AP2A1: variants seen among roughly 807,000 people sequenced by gnomAD.
AP2A1 encodes the protein adaptor related protein complex 2 subunit alpha 1.
A neutral mutation model predicts 107.3 loss-of-function variants in AP2A1; 21 were observed. That is an observed-to-expected ratio of 0.20 (90% CI 0.14 to 0.28). The LOEUF (loss-of-function observed/expected upper bound fraction) is 0.28. Ranked by LOEUF, AP2A1 falls within the 10% of genes least tolerant of loss-of-function variation. AP2A1 has a pLI of 1.00. For missense variants in AP2A1, 873 were observed against 1,307.7 expected (o/e 0.67, Z 5.13); for synonymous variants, 602 against 564.8 (o/e 1.07, Z -0.93).
rs938218505 is a variant in AP2A1, at chr19:49,805,653, C to T, written c.2469-8C>T. On this transcript the variant is annotated splice_polypyrimidine_tract_variant and splice_region_variant and intron_variant, in intron 19 of 22. Coordinates refer to ENST00000354293, the MANE Select transcript of AP2A1 (RefSeq NM_130787.3). ...GGGCCTAATGGAGCCTCCCTTTCAC[C>T]TCATCAGGTACGGTGGCGCCCCCCA... 25 of 1,558,674 alleles carry T rather than the reference C, an allele frequency of 1.6e-5. No individual in the cohort carries two copies. Among genetic ancestry groups the T allele is most frequent in the South Asian group, 2.4e-5 (2 of 84,558 alleles).
intron 12 of AP2A1, 146 bp from the exon 13 acceptor site, chr19:49,801,244 C>A: frequency 1.0e-6 from 1 of 980,218 alleles, no homozygotes; most frequent in Non-Finnish European, 1.5e-6. Flanking sequence ...TGACTGCGGC[C>A]CCTGTCTGGT....
At chr19:49,768,408 CCT>C (rs771540496) in intron 1 of AP2A1, among the ~76,000 whole-genome samples, 1 of 152,112 alleles carries the variant, frequency 6.6e-6, no homozygotes, top group South Asian at 2.1e-4. Context: ...AGGGACTTCA[CCT>C]CTCGGTTTCC....
chr19:49,767,005 G>T lies in AP2A1; in HGVS notation c.-129G>T. 1 of 760,030 alleles carries T rather than the reference G, an allele frequency of 1.3e-6. No homozygotes were observed. Among genetic ancestry groups the T allele is most frequent in the East Asian group, 4.5e-5 (1 of 22,028 alleles). The allele number at this position is 760,030 out of a possible 1,614,324, so 47.1% of individuals were successfully genotyped here. A position where few individuals can be genotyped will look rare whatever the true frequency, so the allele number is the denominator to read the frequency against. Reference sequence around the variant, plus strand: ...TGCCAGCCCGCCCGCCCGCCCGCCAGCCAGCCCTCCCCGCGGCCGGCTCGG... The same window carrying T: ...TGCCAGCCCGCCCGCCCGCCCGCCATCCAGCCCTCCCCGCGGCCGGCTCGG... On this transcript the variant is annotated 5_prime_UTR_variant, in exon 1 of 23. Transcript: ENST00000354293.
intron 11 of AP2A1, 106 bp downstream of exon 11, chr19:49,800,256 C>T (rs563879994): frequency 1.5e-6 from 2 of 1,350,158 alleles, no homozygotes; most frequent in Admixed American, 2.2e-5. Flanking sequence ...CCCTCCTTCT[C>T]CTGCACTGCC....
chr19:49,798,411 C>G (rs925011948), intron 7 of AP2A1, among the ~76,000 whole-genome samples: 10 of 152,218 alleles, frequency 6.6e-5, no homozygotes, highest in African/African-American at 2.4e-4. Context: ...TCACACCAGT[C>G]CTTGGGAAGG....
intron 15 of AP2A1, 118 bp from the exon 16 acceptor site, chr19:49,802,831 G>T (rs1412466153): frequency 4.0e-6 from 5 of 1,250,028 alleles, no homozygotes; most frequent in Non-Finnish European, 5.7e-6. Context: ...TCTGTGAGGG[G>T]TCTGGATATG....
chr19:49,806,091 ACT>A (rs778677272), intron 21 of AP2A1, 26 bp from the exon 22 acceptor site: 3 of 1,575,756 alleles, frequency 1.9e-6, no homozygotes, highest in Non-Finnish European at 2.6e-6. Context: ...GCTCTGGCAC[ACT>A]CTGACGGCGC....
intron 3 of AP2A1, 78 bp downstream of exon 3, chr19:49,782,167 A>C: frequency 1.3e-5 from 2 of 158,374 alleles, no homozygotes; most frequent in Non-Finnish European, 1.9e-5. Context: ...GGACTCCTGG[A>C]TCTGGGGGAG....
In AP2A1 at chr19:49,795,624, C is replaced by T. The variant is rs529185444; in HGVS notation, c.706-6C>T. 63 of 1,528,160 alleles carry T rather than the reference C, an allele frequency of 4.1e-5. No homozygotes were observed. The highest frequency in any genetic ancestry group is 5.0e-5 in the Non-Finnish European group (56 of 1,124,656). The allele number at this position is 1,528,160 out of a possible 1,614,324, so 94.7% of individuals were successfully genotyped here. On this transcript the variant is annotated splice_polypyrimidine_tract_variant and splice_region_variant and intron_variant, in intron 6 of 22. Transcript: ENST00000354293. ...CCCCAACTTATTTCTTGCTCTTCCC[C>T]GCCAGATCGTCTCCTCTGCCTCCAC... is the stretch of plus-strand genomic sequence containing the variant.
intron 1 of AP2A1, among the ~76,000 whole-genome samples, chr19:49,772,000 CAGA>C (rs2084563455): frequency 6.6e-6 from 1 of 152,116 alleles, no homozygotes; most frequent in South Asian, 2.1e-4. Context: ...GAGGTGGAGG[CAGA>C]AGGATTGCTT....
chr19:49,776,205 G>A (rs371511750), intron 1 of AP2A1, among the ~76,000 whole-genome samples: 2 of 148,470 alleles, frequency 1.3e-5, no homozygotes, highest in African/African-American at 5.0e-5. Context: ...CGCCCCCGCC[G>A]CCGCCCGCAT....
intron 1 of AP2A1, among the ~76,000 whole-genome samples, chr19:49,768,414 G>C (rs1038195184): frequency 6.6e-6 from 1 of 152,066 alleles, no homozygotes; most frequent in Non-Finnish European, 1.5e-5. Context: ...TTCACCTCTC[G>C]GTTTCCTCAT....
At chr19:49,772,167 C>A (rs993234120) in intron 1 of AP2A1, among the ~76,000 whole-genome samples, 1 of 151,886 alleles carries the variant, frequency 6.6e-6, no homozygotes, top group East Asian at 1.9e-4. Flanking sequence ...AAGCTATCCT[C>A]CCGCCTCAGC....
rs1426897454 is a variant in AP2A1, at chr19:49,785,956, T to C, written c.473+3232T>C. ...TTAGTGGGGTGCAGTGGTGCACACC[T>C]GTAGTCCCAGCTACTCAGGAGGCTG... On this transcript the variant is annotated intron_variant, in intron 4 of 22. Transcript: ENST00000354293. The surrounding 1 kb of genome is among the most constrained non-coding windows in gnomAD (Gnocchi z 4.1). Among the ~76,000 whole-genome samples, 1 of 151,258 alleles carries C rather than the reference T, an allele frequency of 6.6e-6. No homozygotes were observed. The highest frequency in any genetic ancestry group is 2.4e-5 in the African/African-American group (1 of 41,174).
chr19:49,802,491 C>T (rs775787165), intron 15 of AP2A1: 1 of 1,594,430 alleles, frequency 6.3e-7, no homozygotes, highest in Non-Finnish European at 8.5e-7. Flanking sequence ...GGCTGCCTGC[C>T]ACGCCTGTCT....
Position 49,802,460 on chromosome 19 carries a change from T to C in AP2A1, c.2114+319T>C, listed in dbSNP as rs752991006. The C allele has an allele frequency of 5.5e-6, 8 of 1,444,402 alleles. No individual in the cohort carries two copies. In the Admixed American group the frequency reaches 5.6e-5, roughly 10 times the overall value. 89.5% of individuals were successfully genotyped at this position (1,444,402 alleles called of 1,614,324 possible). A position where few individuals can be genotyped will look rare whatever the true frequency, so the allele number is the denominator to read the frequency against. On this transcript the variant is annotated intron_variant, in intron 15 of 22. Coordinates refer to ENST00000354293, the MANE Select transcript of AP2A1 (RefSeq NM_130787.3). ...CTCCCTCTCTGTCTCTCTTCTGCCC[T>C]CTCGCTGCCTATGTGGAATTGGCTG...
chr19:49,787,641 G>A (rs551194923), intron 4 of AP2A1, among the ~76,000 whole-genome samples: 10 of 151,742 alleles, frequency 6.6e-5, no homozygotes, highest in African/African-American at 1.5e-4. Context: ...GAGCCTCTGC[G>A]CCCGGTCATT....
At chr19:49,775,143 G>A (rs771962662) in intron 1 of AP2A1, among the ~76,000 whole-genome samples, 5 of 152,076 alleles carry the variant, frequency 3.3e-5, no homozygotes, top group Admixed American at 6.5e-5. Context: ...TGGGACGATC[G>A]CTTGAGCCCA....
intron 15 of AP2A1, 71 bp downstream of exon 15, chr19:49,802,212 C>G: frequency 7.7e-7 from 1 of 1,297,788 alleles, no homozygotes; most frequent in Non-Finnish European, 1.1e-6. Flanking sequence ...CCTCTGTCCC[C>G]GTTTTCCCTG....
Sources: gnomAD v4.1 joint callset for allele counts (sites outside exome capture counted in the v4.1 genomes callset) on GRCh38, gnomAD v4.1.1 for gene constraint, Gnocchi (gnomAD v3.1) non-coding constraint, MANE v1.5 for transcripts, NCBI Gene and HGNC (gene_info 2026-07-23, HGNC 2026-07-21) for gene names.